CHRM5: variants seen among roughly 807,000 people sequenced by gnomAD.
The protein encoded by CHRM5 is muscarinic acetylcholine receptor M5.
In CHRM5, 18 loss-of-function variants were observed where a neutral mutation model predicts 39.0. That is an observed-to-expected ratio of 0.46 (90% CI 0.32 to 0.68). The LOEUF is 0.68. Ranked by LOEUF, CHRM5 falls within the 30% of genes least tolerant of loss-of-function variation. The pLI is 0.04. For missense variants in CHRM5, 515 were observed against 651.1 expected, an observed-to-expected ratio of 0.79 and a Z score of 2.28; for synonymous variants, 241 against 246.3, an observed-to-expected ratio of 0.98 and a Z score of 0.20.
intron 1 of CHRM5, among the ~76,000 whole-genome samples, chr15:34,031,143 T>A (rs1290197615): frequency 6.7e-6 from 1 of 148,366 alleles, no homozygotes; most frequent in Non-Finnish European, 1.5e-5. Context: ...CAGCCTATTA[T>A]CCCAATTATG....
intron 1 of CHRM5, among the ~76,000 whole-genome samples, chr15:34,017,888 A>G (rs1898014034): frequency 6.6e-6 from 1 of 152,200 alleles, no homozygotes; most frequent in Admixed American, 6.5e-5. Context: ...CAGTGGTCCC[A>G]TAAGGTTATA....
At chr15:33,990,313 C>A (rs1597320719) in intron 1 of CHRM5, among the ~76,000 whole-genome samples, 1 of 152,042 alleles carries the variant, frequency 6.6e-6, no homozygotes, top group Admixed American at 6.5e-5. Flanking sequence ...ACCTGGGAGG[C>A]AGAGGCTGCA....
intron 1 of CHRM5, among the ~76,000 whole-genome samples, chr15:34,002,546 G>T (rs937471597): frequency 1.4e-4 from 22 of 151,928 alleles, no homozygotes; most frequent in African/African-American, 5.3e-4. Context: ...TGACAGAGAA[G>T]ACTATCCAAA....
At chr15:34,007,143 G>A (rs976580713) in intron 1 of CHRM5, 36 of 686,856 alleles carry the variant, frequency 5.2e-5, no homozygotes, top group South Asian at 2.0e-4. Flanking sequence ...CTACTGCCGA[G>A]CTATTATCTT....
chr15:34,037,604 T>C (rs1011780388), intron 1 of CHRM5, among the ~76,000 whole-genome samples: 52 of 150,624 alleles, frequency 3.5e-4, no homozygotes, highest in African/African-American at 1.2e-3. Context: ...TAGTGGGCAC[T>C]AGGTTGGTCT....
chr15:34,054,377 G>A (rs1395675514), intron 2 of CHRM5, among the ~76,000 whole-genome samples: 2 of 152,130 alleles, frequency 1.3e-5, no homozygotes, highest in African/African-American at 4.8e-5. Flanking sequence ...ATACATGCAT[G>A]TGTATGTTCA....
intron 1 of CHRM5, among the ~76,000 whole-genome samples, chr15:34,038,593 A>G (rs1372583312): frequency 6.9e-6 from 1 of 144,316 alleles, no homozygotes; most frequent in Non-Finnish European, 1.5e-5. Flanking sequence ...GGCCAAGCGC[A>G]TACCCAGGCG....
chr15:34,029,976 G>A (rs776143039), intron 1 of CHRM5, among the ~76,000 whole-genome samples: 59 of 152,178 alleles, frequency 3.9e-4, no homozygotes, highest in Non-Finnish European at 7.8e-4. Context: ...ATTCCAAGCC[G>A]AGCATGGTGA....
At chr15:34,029,860 T>C (rs1360737671) in intron 1 of CHRM5, among the ~76,000 whole-genome samples, 2 of 152,230 alleles carry the variant, frequency 1.3e-5, no homozygotes, top group South Asian at 4.1e-4. Context: ...TATTTTATTA[T>C]CAGCCTTGTA....
chr15:34,031,278 G>A (rs1343747723), intron 1 of CHRM5, among the ~76,000 whole-genome samples: 1 of 140,926 alleles, frequency 7.1e-6, no homozygotes, highest in Non-Finnish European at 1.5e-5. Flanking sequence ...GGGTTCAAGC[G>A]ATTCTCCTGT....
rs547223430 is a variant in CHRM5, at chr15:34,012,611, C to T, written c.-407-33929C>T. Among the ~76,000 whole-genome samples, 4 of 152,296 alleles carry T rather than the reference C, an allele frequency of 2.6e-5. 1 individual carries two copies. In the South Asian group the frequency reaches 6.2e-4, roughly 24 times the overall value. ...AATTTTCAACTCTCTTATCTACCAG[C>T]GTAAGTCTGGTTTCCTTAGTCACTC... On this transcript the variant is annotated intron_variant, in intron 1 of 2. Coordinates refer to ENST00000383263, the MANE Select transcript of CHRM5 (RefSeq NM_012125.4).
rs372976155 is a variant in CHRM5, at chr15:33,971,593, C to T, written c.-408+2443C>T. 3.4e-4 allele frequency among the ~76,000 whole-genome samples: 51 copies of T among 152,020 alleles called. 1 individual carries two copies. In the South Asian group the frequency reaches 9.7e-3, roughly 29 times the overall value. On this transcript the variant is annotated intron_variant, in intron 1 of 2. Transcript: ENST00000383263. ...TTTTGTATATAAAATTAGAAACATACCTAAAATTCATTTTTCTGTGTTAGC... is the reference window on the plus strand; with the variant it reads ...TTTTGTATATAAAATTAGAAACATATCTAAAATTCATTTTTCTGTGTTAGC...
intron 1 of CHRM5, among the ~76,000 whole-genome samples, chr15:34,026,007 G>A (rs1898452023): frequency 6.6e-6 from 1 of 152,036 alleles, no homozygotes; most frequent in Admixed American, 6.5e-5. Context: ...TTTTCAAATT[G>A]GAATATATCT....
intron 1 of CHRM5, among the ~76,000 whole-genome samples, chr15:34,021,150 G>A (rs1316149495): frequency 6.6e-6 from 1 of 151,982 alleles, no homozygotes; most frequent in Non-Finnish European, 1.5e-5. Context: ...CTCATTTGTG[G>A]CCTGGGTGAA....
At chr15:34,038,690 G>C in intron 1 of CHRM5, 1 of 1,073,478 alleles carries the variant, frequency 9.3e-7, no homozygotes, top group Non-Finnish European at 1.1e-6. Flanking sequence ...CGCGCGCCTG[G>C]CACGCTCTCT....
rs562779186 is a variant in CHRM5, at chr15:34,029,092, C to A, written c.-407-17448C>A. Among the ~76,000 whole-genome samples, 108 of 152,178 alleles carry A rather than the reference C, an allele frequency of 7.1e-4. No individual in the cohort carries two copies. In the South Asian group the frequency reaches 9.8e-3, roughly 14 times the overall value. On this transcript the variant is annotated intron_variant, in intron 1 of 2. Transcript: ENST00000383263. The stretch of plus-strand genomic sequence containing the variant: ...CCCCTCTGCAGACGTTCATGCTACC[C>A]ACCAGAGTAGACATTCATTCTCAGG...
chr15:34,061,932 C>A (rs912545312), intron 2 of CHRM5, among the ~76,000 whole-genome samples: 26 of 152,160 alleles, frequency 1.7e-4, no homozygotes, highest in Non-Finnish European at 3.7e-4. Context: ...CAGTGCATGA[C>A]GATTTAGGTA....
rs564440170 is a variant in CHRM5, at chr15:34,010,220, C to A, written c.-407-36320C>A. On this transcript the variant is annotated intron_variant, in intron 1 of 2. Coordinates refer to ENST00000383263, the MANE Select transcript of CHRM5 (RefSeq NM_012125.4). ...TCCTATTTAACTTACAATAAATAAA[C>A]AATAATTTACATTAATTTATAATCT... 5.9e-5 allele frequency among the ~76,000 whole-genome samples: 9 copies of A among 152,224 alleles called. No individual in the cohort carries two copies. The South Asian group carries it at 6.2e-4, about 11-fold the overall frequency.
At chr15:33,995,821 C>T (rs774053744) in intron 1 of CHRM5, among the ~76,000 whole-genome samples, 4 of 152,308 alleles carry the variant, frequency 2.6e-5, no homozygotes, top group African/African-American at 4.8e-5. Flanking sequence ...TCATCTCATT[C>T]GGACTGGTTG....
Sources: gnomAD v4.1 joint callset for allele counts (sites outside exome capture counted in the v4.1 genomes callset) on GRCh38, gnomAD v4.1.1 for gene constraint, MANE v1.5 for transcripts, NCBI Gene and HGNC (gene_info 2026-07-23, HGNC 2026-07-21) for gene names.